Variants in EYA1 observed in about 807,000 individuals in gnomAD.
The protein encoded by EYA1 is EYA transcriptional coactivator and phosphatase 1.
In EYA1, 16 loss-of-function variants were observed where a neutral mutation model predicts 82.0. The ratio of observed to expected loss-of-function variants is 0.20; its 90% confidence interval spans 0.13 to 0.30. The LOEUF is 0.30. Among genes scored for constraint, EYA1 ranks in the 10% least tolerant of loss-of-function variants. EYA1 has a pLI of 1.00. For synonymous variants in EYA1, 261 were observed against 264.4 expected (o/e 0.99, Z 0.12); for missense variants, 633 against 730.7 (o/e 0.87, Z 1.54).
chr8:71,422,575 T>C (rs747027749), intron 2 of EYA1, among the ~76,000 whole-genome samples: 8 of 152,162 alleles, frequency 5.3e-5, no homozygotes, highest in Non-Finnish European at 1.2e-4. Context: ...ATGCTGCTAA[T>C]AAAGACATAC....
intron 2 of EYA1, among the ~76,000 whole-genome samples, chr8:71,482,848 G>T (rs571948676): frequency 6.6e-6 from 1 of 152,268 alleles, no homozygotes; most frequent in South Asian, 2.1e-4. Flanking sequence ...CAAATCTATT[G>T]GTCAGAGTAG....
At chr8:71,209,205 A>G (rs1563617933) in intron 17 of EYA1, among the ~76,000 whole-genome samples, 1 of 152,228 alleles carries the variant, frequency 6.6e-6, no homozygotes, top group African/African-American at 2.4e-5. Context: ...CCTAGAAAGA[A>G]GACTTGAGTC....
At chr8:71,537,546 G>T (rs1814798092) in intron 1 of EYA1, among the ~76,000 whole-genome samples, 1 of 152,030 alleles carries the variant, frequency 6.6e-6, no homozygotes, top group Non-Finnish European at 1.5e-5. Flanking sequence ...GCCTTACATT[G>T]GTAAAATGCT....
At chr8:71,402,110 C>T (rs1333514114) in intron 2 of EYA1, among the ~76,000 whole-genome samples, 1 of 152,170 alleles carries the variant, frequency 6.6e-6, no homozygotes, top group Non-Finnish European at 1.5e-5. Flanking sequence ...TAGGTCCTCT[C>T]CAAGGCTGTA....
chr8:71,279,271 G>A (rs549393495), intron 9 of EYA1, among the ~76,000 whole-genome samples: 1 of 152,284 alleles, frequency 6.6e-6, no homozygotes, highest in South Asian at 2.1e-4. Context: ...CAAGACTCAA[G>A]CCTTAAAGCA....
intron 12 of EYA1, among the ~76,000 whole-genome samples, chr8:71,235,403 C>G (rs552214508): frequency 2.4e-4 from 37 of 152,300 alleles, no homozygotes; most frequent in Non-Finnish European, 4.7e-4. Context: ...GAAACTCATT[C>G]CTACTATTGT....
At chr8:71,381,256 C>A (rs1159790550) in intron 2 of EYA1, among the ~76,000 whole-genome samples, 5 of 152,146 alleles carry the variant, frequency 3.3e-5, no homozygotes, top group African/African-American at 1.2e-4. Flanking sequence ...TGTGTAACAT[C>A]CTCGAGATAT....
intron 3 of EYA1, among the ~76,000 whole-genome samples, chr8:71,344,643 A>G (rs1825512092): frequency 6.6e-6 from 1 of 152,208 alleles, no homozygotes; most frequent in Admixed American, 6.6e-5. Flanking sequence ...TGGTTTTATC[A>G]TCCTTAATCA....
chr8:71,352,672 G>T (rs914152555), intron 3 of EYA1, among the ~76,000 whole-genome samples: 16 of 152,162 alleles, frequency 1.1e-4, no homozygotes, highest in African/African-American at 3.6e-4. Context: ...TTCCAGTTTG[G>T]TTGAGGAGAT....
At chr8:71,487,799 GT>G (rs895284937) in intron 2 of EYA1, among the ~76,000 whole-genome samples, 1 of 152,098 alleles carries the variant, frequency 6.6e-6, no homozygotes, top group African/African-American at 2.4e-5. Context: ...AATAGATAAC[GT>G]TTTAGAAGAA....
chr8:71,524,842 A>G (rs969625977), intron 2 of EYA1, among the ~76,000 whole-genome samples: 13 of 152,246 alleles, frequency 8.5e-5, no homozygotes, highest in Admixed American at 2.6e-4. Context: ...AAAATCAGTA[A>G]TTTAAAAAAG....
chr8:71,323,996 T>A (rs376819938), intron 4 of EYA1: 1 of 152,144 alleles, frequency 6.6e-6, no homozygotes, highest in Non-Finnish European at 1.5e-5. Flanking sequence ...CCTGGGACAA[T>A]TGGAGTTCAA....
At chr8:71,544,735 T>C (rs1167953825) in intron 1 of EYA1, among the ~76,000 whole-genome samples, 1 of 152,258 alleles carries the variant, frequency 6.6e-6, no homozygotes, top group Non-Finnish European at 1.5e-5. Flanking sequence ...TGTTGGTCAA[T>C]GACCCCTGGA....
intron 2 of EYA1, among the ~76,000 whole-genome samples, chr8:71,518,700 C>A (rs1813167959): frequency 6.6e-6 from 1 of 152,060 alleles, no homozygotes; most frequent in South Asian, 2.1e-4. Flanking sequence ...CATCTGAAAA[C>A]AAATCAAAAG....
chr8:71,354,817 A>G lies in EYA1; in HGVS notation c.89T>C (p.Ile30Thr). The G allele has an allele frequency of 6.2e-7, 1 of 1,613,708 alleles. No homozygotes were observed. The highest frequency in any genetic ancestry group is 8.5e-7 in the Non-Finnish European group (1 of 1,179,654). The change falls in exon 3 of 18, where the codon ATA becomes ACA. Residue 30 changes from isoleucine (I) to threonine (T), a missense_variant. Coordinates refer to ENST00000340726, the MANE Select transcript of EYA1 (RefSeq NM_000503.6). Reference sequence around the variant, plus strand: ...ATTGGGAGTCATGGAATTACTATTTATATGAGAGTTACCGAGTTTGGGGCC... The same window carrying G: ...ATTGGGAGTCATGGAATTACTATTTGTATGAGAGTTACCGAGTTTGGGGCC... ...PSGPKLGNSH[I>T]NSNSMTPNGT... is the part of the protein sequence containing the mutation.
chr8:71,448,653 T>G (rs1807099764), intron 2 of EYA1, among the ~76,000 whole-genome samples: 1 of 152,232 alleles, frequency 6.6e-6, no homozygotes, highest in Admixed American at 6.5e-5. Flanking sequence ...CCTAGATGCA[T>G]CAGAGGAATC....
chr8:71,447,752 T>C (rs1336486968), intron 2 of EYA1, among the ~76,000 whole-genome samples: 1 of 152,192 alleles, frequency 6.6e-6, no homozygotes, highest in African/African-American at 2.4e-5. Context: ...TGTCTAATAA[T>C]ACAATGTACA....
intron 2 of EYA1, among the ~76,000 whole-genome samples, chr8:71,379,432 A>T (rs1828567202): frequency 1.3e-5 from 2 of 152,170 alleles, no homozygotes; most frequent in Non-Finnish European, 2.9e-5. Context: ...TGGAGAAGTC[A>T]GAACCATCAG....
At chr8:71,342,976 T>A (rs935447090) in intron 3 of EYA1, among the ~76,000 whole-genome samples, 1 of 152,188 alleles carries the variant, frequency 6.6e-6, no homozygotes, top group African/African-American at 2.4e-5. Context: ...GAATTGCAAT[T>A]CAGAACATAT....
Sources: allele counts gnomAD v4.1 joint callset (sites outside exome capture counted in the v4.1 genomes callset), GRCh38; gene constraint gnomAD v4.1.1; transcripts MANE v1.5; gene names NCBI Gene and HGNC (gene_info 2026-07-23, HGNC 2026-07-21).